Variants in DMRT1 observed in about 807,000 individuals in gnomAD.
DMRT1 encodes doublesex and mab-3 related transcription factor 1.
Under a neutral mutation model 32.3 loss-of-function variants are expected in DMRT1, and 7 were observed. The ratio of observed to expected loss-of-function variants is 0.22; its 90% CI spans 0.12 to 0.41. DMRT1 has a LOEUF of 0.41. Ranked by LOEUF, DMRT1 falls within the 10% of genes least tolerant of loss-of-function variation. The pLI, the probability that DMRT1 is intolerant of heterozygous loss-of-function variation, is 1.00. For missense variants in DMRT1, 625 were observed against 500.5 expected (o/e 1.25, Z -2.37); for synonymous variants, 278 against 206.1 (o/e 1.35, Z -2.99).
intron 4 of DMRT1, among the ~76,000 whole-genome samples, chr9:917,208 C>T (rs1248057411): frequency 6.6e-6 from 1 of 152,036 alleles, no homozygotes; most frequent in Non-Finnish European, 1.5e-5. Flanking sequence ...TACAGGGGCA[C>T]TTTAAATGTG....
chr9:911,208 T>G (rs1817961822), intron 3 of DMRT1, among the ~76,000 whole-genome samples: 2 of 152,118 alleles, frequency 1.3e-5, no homozygotes, highest in African/African-American at 4.8e-5. Context: ...CCTTGACCAC[T>G]AGATGCCAGC....
chr9:890,458 T>A (rs571263950), intron 2 of DMRT1, among the ~76,000 whole-genome samples: 11 of 152,296 alleles, frequency 7.2e-5, no homozygotes, highest in African/African-American at 2.6e-4. Flanking sequence ...TGGATTTGGT[T>A]TCCTTTCAGA....
chr9:903,835 G>C (rs566778006), intron 3 of DMRT1, among the ~76,000 whole-genome samples: 6 of 152,326 alleles, frequency 3.9e-5, no homozygotes, highest in Admixed American at 1.3e-4. Flanking sequence ...CATCCTAAGG[G>C]ATTGTTTTTT....
intron 2 of DMRT1, among the ~76,000 whole-genome samples, chr9:892,337 T>A (rs1262728044): frequency 6.6e-6 from 1 of 152,142 alleles, no homozygotes; most frequent in East Asian, 1.9e-4. Flanking sequence ...CAGTGGTGAC[T>A]CTTGGATCTG....
intron 4 of DMRT1, among the ~76,000 whole-genome samples, chr9:953,637 G>T (rs1819502968): frequency 2.0e-5 from 3 of 152,164 alleles, no homozygotes. Context: ...TGCTTAAGCT[G>T]CTTCTTAGTT....
intron 3 of DMRT1, among the ~76,000 whole-genome samples, chr9:911,484 T>G (rs796147972): frequency 1.9e-3 from 141 of 73,216 alleles, no homozygotes; most frequent in African/African-American, 0.01. Context: ...TTTTTTTTTT[T>G]TTTTTTTTTT....
intron 2 of DMRT1, among the ~76,000 whole-genome samples, chr9:865,961 C>A (rs1430916033): frequency 6.6e-6 from 1 of 151,784 alleles, no homozygotes; most frequent in Non-Finnish European, 1.5e-5. Context: ...GTCAGGAGTT[C>A]GAGACCAGCC....
At chr9:915,463 G>A (rs539499569) in intron 3 of DMRT1, among the ~76,000 whole-genome samples, 4 of 149,820 alleles carry the variant, frequency 2.7e-5, no homozygotes, top group Non-Finnish European at 5.9e-5. Flanking sequence ...TCTGGTTGCC[G>A]GAAAAAAATG....
At chr9:888,531 C>T (rs1439192965) in intron 2 of DMRT1, among the ~76,000 whole-genome samples, 1 of 152,106 alleles carries the variant, frequency 6.6e-6, no homozygotes, top group Non-Finnish European at 1.5e-5. Flanking sequence ...AACTCCTGGG[C>T]TCAAGTGAAC....
intron 4 of DMRT1, among the ~76,000 whole-genome samples, chr9:929,799 G>A (rs578179594): frequency 6.6e-6 from 1 of 152,218 alleles, no homozygotes; most frequent in East Asian, 1.9e-4. Flanking sequence ...CCCCCAGGAT[G>A]TAAACTGATG....
intron 2 of DMRT1, among the ~76,000 whole-genome samples, chr9:852,785 T>A (rs373785672): frequency 6.6e-6 from 1 of 152,180 alleles, no homozygotes; most frequent in Non-Finnish European, 1.5e-5. Context: ...GCCTCTTCTG[T>A]GGCTCGTGGC....
intron 3 of DMRT1, among the ~76,000 whole-genome samples, chr9:902,919 T>C (rs530821000): frequency 6.6e-6 from 1 of 152,254 alleles, no homozygotes; most frequent in Admixed American, 6.5e-5. Flanking sequence ...TTGGGCCTAC[T>C]AGGTCAGTAG....
intron 4 of DMRT1, among the ~76,000 whole-genome samples, chr9:947,210 T>C (rs1042407052): frequency 6.6e-6 from 1 of 152,254 alleles, no homozygotes; most frequent in Non-Finnish European, 1.5e-5. Flanking sequence ...ACTTTGAATG[T>C]GGCCCAACAC....
At chr9:930,497 C>T (rs111486369) in intron 4 of DMRT1, among the ~76,000 whole-genome samples, 1,711 of 152,016 alleles carry the variant, frequency 0.011, 21 homozygotes, top group Non-Finnish European at 0.015. Context: ...CTGCAAGCTC[C>T]GCCTCTCGGG....
At chr9:842,999 T>A (rs1337697348) in intron 1 of DMRT1, 1 of 152,150 alleles carries the variant, frequency 6.6e-6, no homozygotes, top group East Asian at 1.9e-4. Context: ...ATCCCAGGGA[T>A]CTCTAGCCCC....
At chr9:900,879 A>G (rs1259274883) in intron 3 of DMRT1, among the ~76,000 whole-genome samples, 1 of 151,690 alleles carries the variant, frequency 6.6e-6, no homozygotes, top group Non-Finnish European at 1.5e-5. Context: ...TTTTGTAGAG[A>G]TGGGGGTCTC....
rs1024265541 is a variant in DMRT1, at chr9:848,557, T to C, written c.538+1414T>C. ...TCCAAACTTTTGTTTCCTTTCTTTT[T>C]TTTTTTTTTTTTTTGAGATGGAGTC... On this transcript the variant is annotated intron_variant, in intron 2 of 4. Transcript: ENST00000382276. Among the ~76,000 whole-genome samples the C allele has an allele frequency of 1.2e-4, 17 of 145,708 alleles. No individual in the cohort carries two copies. The East Asian group carries it at 2.4e-3, about 20-fold the overall frequency.
At chr9:862,105 C>CCGGGAAGAGG (rs1815731808) in intron 2 of DMRT1, among the ~76,000 whole-genome samples, 1 of 133,254 alleles carries the variant, frequency 7.5e-6, no homozygotes, top group Non-Finnish European at 1.7e-5. Context: ...GGGGTGGCGG[C>CCGGGAAGAGG]TGGGCAGAGG....
chr9:894,737 A>C, intron 3 of DMRT1: 1 of 172,186 alleles, frequency 5.8e-6, no homozygotes, highest in Non-Finnish European at 1.2e-5. Context: ...GCTGGACCCA[A>C]CCTGGGTGCA....
Sources: gnomAD v4.1 joint callset for allele counts (sites outside exome capture counted in the v4.1 genomes callset) on GRCh38, gnomAD v4.1.1 for gene constraint, MANE v1.5 for transcripts, NCBI Gene and HGNC (gene_info 2026-07-23, HGNC 2026-07-21) for gene names.